FMNL3: variants seen among roughly 807,000 people sequenced by gnomAD.
FMNL3 encodes the protein formin-like protein 3.
A neutral mutation model predicts 119.6 loss-of-function variants in FMNL3; 57 were observed. The observed-to-expected ratio is 0.48, with a 90% CI of 0.39 to 0.59. The LOEUF (loss-of-function observed/expected upper bound fraction) is 0.59. FMNL3 is among the 20% of genes least tolerant of loss of function. FMNL3 has a pLI of 0.00. For synonymous variants in FMNL3, 491 were observed against 507.3 expected (o/e 0.97, Z 0.43); for missense variants, 1,053 against 1,323.5 (o/e 0.80, Z 3.17).
intron 1 of FMNL3, among the ~76,000 whole-genome samples, chr12:49,693,652 T>G (rs1200373117): frequency 1.5e-5 from 2 of 132,862 alleles, no homozygotes; most frequent in African/African-American, 5.9e-5. Context: ...TTTTTTTTTT[T>G]TTTTTTTTTT....
chr12:49,670,084 T>C (rs1944003588), intron 1 of FMNL3, among the ~76,000 whole-genome samples: 1 of 152,206 alleles, frequency 6.6e-6, no homozygotes, highest in Non-Finnish European at 1.5e-5. Context: ...TTAACTACTG[T>C]CCAGGTTCAG....
chr12:49,637,795 G>T lies in FMNL3; in HGVS notation c.*8020C>A. On this transcript the variant is annotated 3_prime_UTR_variant, in exon 26 of 26. Coordinates refer to ENST00000335154, the MANE Select transcript of FMNL3 (RefSeq NM_175736.5). ...GGAGTTGAAGGCACGATTCCATGAT[G>T]AAAAGAAGATCATTAAGGACATCCT... 6.2e-7 allele frequency: 1 copy of T among 1,610,190 alleles called. No individual in the cohort carries two copies. Among genetic ancestry groups the T allele is most frequent in the Non-Finnish European group, 8.5e-7 (1 of 1,177,204 alleles).
At chr12:49,697,299 C>G (rs1168602468) in intron 1 of FMNL3, among the ~76,000 whole-genome samples, 1 of 152,182 alleles carries the variant, frequency 6.6e-6, no homozygotes, top group African/African-American at 2.4e-5. Flanking sequence ...CACCTCTTTC[C>G]TAAAGGTGTG....
intron 12 of FMNL3, among the ~76,000 whole-genome samples, 162 bp downstream of exon 12, chr12:49,653,563 T>C (rs1282217943): frequency 6.6e-6 from 1 of 152,172 alleles, no homozygotes; most frequent in Non-Finnish European, 1.5e-5. Flanking sequence ...TTCCAACTGG[T>C]GGATGATCCA....
In FMNL3 at chr12:49,707,172, G is replaced by A; in HGVS notation, c.9C>T (p.Asn3=). 3.2e-6 allele frequency: 5 copies of A among 1,561,672 alleles called. No homozygotes were observed. Among genetic ancestry groups the A allele is most frequent in the Non-Finnish European group, 4.3e-6 (5 of 1,157,914 alleles). The change falls in exon 1 of 26, where the codon AAC becomes AAT. Residue 3 remains asparagine, a synonymous_variant. Transcript: ENST00000335154. MG[N]LESAEGVPGE... is the part of the protein sequence containing the mutation. ...CCGGGACCCCCTCGGCGCTCTCCAG[G>A]TTGCCCATCGCGGCGGGGCCCCCTC... is the stretch of plus-strand genomic sequence containing the variant.
intron 1 of FMNL3, among the ~76,000 whole-genome samples, chr12:49,687,719 AGTT>A (rs1400713528): frequency 2.6e-5 from 4 of 152,234 alleles, no homozygotes; most frequent in Admixed American, 6.5e-5. Context: ...CTCAATAAAT[AGTT>A]GTTGAATGAA....
chr12:49,667,090 G>A (rs1170639444), intron 2 of FMNL3, among the ~76,000 whole-genome samples: 2 of 152,000 alleles, frequency 1.3e-5, no homozygotes, highest in Non-Finnish European at 2.9e-5. Flanking sequence ...CTGGGACCAC[G>A]TCCTACTTTA....
At position 49,643,818 on chromosome 12, in the gene FMNL3, G is replaced by A; in HGVS notation, c.*1997C>T. 6.2e-7 allele frequency: 1 copy of A among 1,613,960 alleles called. No individual in the cohort carries two copies. Among genetic ancestry groups the A allele is most frequent in the South Asian group, 1.1e-5 (1 of 91,068 alleles). On this transcript the variant is annotated 3_prime_UTR_variant, in exon 26 of 26. Transcript: ENST00000335154. Reference sequence around the variant, plus strand: ...GAGTTCTGTTCTACCTGCCTCCCAGGCTATCCACAGGAACTGAGGAGGTGG... The same window carrying A: ...GAGTTCTGTTCTACCTGCCTCCCAGACTATCCACAGGAACTGAGGAGGTGG...
chr12:49,681,325 C>CT (rs1430376431), intron 1 of FMNL3, among the ~76,000 whole-genome samples: 1 of 152,102 alleles, frequency 6.6e-6, no homozygotes, highest in Non-Finnish European at 1.5e-5. Flanking sequence ...CTCAGCCTCT[C>CT]TGAGTAGCTG....
rs773680030 is a variant in FMNL3, at chr12:49,666,215, G to A, written c.211-8C>T. The A allele has an allele frequency of 3.1e-6, 5 of 1,612,558 alleles. No individual in the cohort carries two copies. The highest frequency in any genetic ancestry group is 3.4e-6 in the Non-Finnish European group (4 of 1,179,150). Reference sequence around the variant, plus strand: ...CTTCACCTGGAATCGTTCCTGTAAGGGAAACATGCATATGCGTATCCACAA... The same window carrying A: ...CTTCACCTGGAATCGTTCCTGTAAGAGAAACATGCATATGCGTATCCACAA... On this transcript the variant is annotated splice_region_variant and splice_polypyrimidine_tract_variant and intron_variant, in intron 2 of 25. Coordinates refer to ENST00000335154, the MANE Select transcript of FMNL3 (RefSeq NM_175736.5).
In FMNL3 at chr12:49,644,245, C is replaced by T. The variant is rs1943050484; in HGVS notation, c.*1570G>A. 11 of 1,590,312 alleles carry T rather than the reference C, an allele frequency of 6.9e-6. No homozygotes were observed. The Admixed American group carries it at 1.7e-4, about 24-fold the overall frequency. ...CTGTGTGAGGCCATGGCTCCTGGGC[C>T]ACCCTCACCGTCTGCCTCAGACTTC... On this transcript the variant is annotated 3_prime_UTR_variant, in exon 26 of 26. Transcript: ENST00000335154.
intron 1 of FMNL3, among the ~76,000 whole-genome samples, chr12:49,701,485 T>C (rs1341391618): frequency 6.6e-6 from 1 of 152,214 alleles, no homozygotes; most frequent in Non-Finnish European, 1.5e-5. Flanking sequence ...ACTCTAAATA[T>C]TGAAAATACT....
chr12:49,678,670 C>G (rs1347530840), intron 1 of FMNL3, among the ~76,000 whole-genome samples: 1 of 152,076 alleles, frequency 6.6e-6, no homozygotes. Context: ...GCCACGTTGG[C>G]TAGGCTGGTC....
Position 49,641,605 on chromosome 12 carries a change from G to A in FMNL3, c.*4210C>T. On this transcript the variant is annotated 3_prime_UTR_variant, in exon 26 of 26. Coordinates refer to ENST00000335154, the MANE Select transcript of FMNL3 (RefSeq NM_175736.5). ...TGCTGAGCAGCAGGAGGGCCCAGCT[G>A]GGGCCAGAGCTTTAAGCCAAAGGAA... The A allele has an allele frequency of 2.7e-6, 1 of 364,032 alleles. No individual in the cohort carries two copies. Among genetic ancestry groups the A allele is most frequent in the Non-Finnish European group, 5.1e-6 (1 of 197,950 alleles). The allele number at this position is 364,032 out of a possible 1,614,324, so 22.6% of individuals were successfully genotyped here. A position where few individuals can be genotyped will look rare whatever the true frequency, so the allele number is the denominator to read the frequency against.
rs1941841171 is a variant in FMNL3 at position 49,636,611 on chromosome 12, A to C, written c.*9204T>G. On this transcript the variant is annotated 3_prime_UTR_variant, in exon 26 of 26. Transcript: ENST00000335154. ...AGGCCCTTCCCCCACCACCCTGGGT[A>C]TCCCTAGCACCTGTAGGACAGCATC... 6 of 1,508,326 alleles carry C rather than the reference A, an allele frequency of 4.0e-6. No homozygotes were observed. The highest frequency in any genetic ancestry group is 4.5e-6 in the Non-Finnish European group (5 of 1,104,236). 93.4% of individuals were successfully genotyped at this position (1,508,326 alleles called of 1,614,324 possible).
rs1244964405 is a variant in FMNL3 at position 49,637,676 on chromosome 12, GCCCCCAGGCCTTGGGAAGCTGCCGC to G, written c.*8114_*8138del. The G allele has an allele frequency of 6.6e-7, 1 of 1,519,464 alleles. No homozygotes were observed. The highest frequency in any genetic ancestry group is 9.0e-7 in the Non-Finnish European group (1 of 1,110,320). 94.1% of individuals were successfully genotyped at this position (1,519,464 alleles called of 1,614,324 possible). The stretch of plus-strand genomic sequence containing the variant: ...ACTACCGGCTCCTGTCCTCGGCCCA[GCCCCCAGGCCTTGGGAAGCTGCCGC>G]CCGCCAGGCCCCCCTCCCTCCCTCC... On this transcript the variant is annotated 3_prime_UTR_variant, in exon 26 of 26. Coordinates refer to ENST00000335154, the MANE Select transcript of FMNL3 (RefSeq NM_175736.5).
chr12:49,636,786 G>C lies in FMNL3; in HGVS notation c.*9029C>G, dbSNP rs1409963956. 1 of 1,614,234 alleles carries C rather than the reference G, an allele frequency of 6.2e-7. No individual in the cohort carries two copies. The highest frequency in any genetic ancestry group is 8.5e-7 in the Non-Finnish European group (1 of 1,180,036). On this transcript the variant is annotated 3_prime_UTR_variant, in exon 26 of 26. Coordinates refer to ENST00000335154, the MANE Select transcript of FMNL3 (RefSeq NM_175736.5). ...GAGCTTTGGAGAGGGAAGAGGAGGA[G>C]GAACGGGAGCGGGCCCGGCTTCGGG...
intron 1 of FMNL3, among the ~76,000 whole-genome samples, chr12:49,699,117 A>G (rs1016474685): frequency 3.3e-5 from 5 of 152,166 alleles, no homozygotes; most frequent in Non-Finnish European, 5.9e-5. Context: ...ATGTTTCCCC[A>G]GAATGGAAGA....
rs747262667 is a variant in FMNL3, at chr12:49,637,500, C to T, written c.*8315G>A. ...CCTGGACGAGCTGCATGAGACAGGG[C>T]AGCTGCACTCTATGTCCACCTGGAT... On this transcript the variant is annotated 3_prime_UTR_variant, in exon 26 of 26. Transcript: ENST00000335154. 4 of 1,613,742 alleles carry T rather than the reference C, an allele frequency of 2.5e-6. No individual in the cohort carries two copies. In the Admixed American group the frequency reaches 6.7e-5, roughly 27 times the overall value.
Sources: allele counts gnomAD v4.1 joint callset (sites outside exome capture counted in the v4.1 genomes callset), GRCh38; gene constraint gnomAD v4.1.1; transcripts MANE v1.5; gene names NCBI Gene and HGNC (gene_info 2026-07-23, HGNC 2026-07-21).